The following PCDH7 variants were observed in gnomAD, a reference collection of about 807,000 sequenced individuals.
The protein encoded by PCDH7 is protocadherin 7.
A neutral mutation model predicts 58.9 loss-of-function variants in PCDH7; 17 were observed. That is an observed-to-expected ratio of 0.29 (90% CI 0.20 to 0.43). PCDH7 has a LOEUF of 0.43. Among genes scored for constraint, PCDH7 ranks in the 20% least tolerant of loss-of-function variants. PCDH7 has a pLI of 1.00. For synonymous variants in PCDH7, 664 were observed against 616.4 expected, an observed-to-expected ratio of 1.08 and a Z score of -1.14; for missense variants, 1,274 against 1,441.0, an observed-to-expected ratio of 0.88 and a Z score of 1.88.
exon 2 of PCDH7, chr4:30,731,815 GT>G (rs1715543131): frequency 6.6e-6 from 1 of 152,062 alleles, no homozygotes; most frequent in Admixed American, 6.6e-5. Context: ...ACCTCTTTAT[GT>G]TTGTATGTTT....
At chr4:30,851,489 C>G (rs1432960346) in intron 1 of PCDH7, among the ~76,000 whole-genome samples, 1 of 151,872 alleles carries the variant, frequency 6.6e-6, no homozygotes, top group Non-Finnish European at 1.5e-5. Context: ...GGTTTTCTGA[C>G]TTAGTGTCAA....
chr4:31,080,937 C>T (rs950331769), intron 3 of PCDH7, among the ~76,000 whole-genome samples: 1 of 152,166 alleles, frequency 6.6e-6, no homozygotes, highest in Non-Finnish European at 1.5e-5. Flanking sequence ...TTTCCCCTTT[C>T]GCTTGGCTTT....
At chr4:30,847,818 C>G (rs1440049482) in intron 1 of PCDH7, among the ~76,000 whole-genome samples, 2 of 152,094 alleles carry the variant, frequency 1.3e-5, no homozygotes, top group Non-Finnish European at 1.5e-5. Context: ...GCTCTTTCCT[C>G]ACTAGCACTC....
intron 1 of PCDH7, among the ~76,000 whole-genome samples, chr4:30,880,413 G>A (rs1485085456): frequency 1.3e-5 from 2 of 152,046 alleles, no homozygotes; most frequent in Non-Finnish European, 2.9e-5. Flanking sequence ...GCAGTATGTA[G>A]AATATGTGTA....
At chr4:30,757,542 G>C (rs1719465296) in intron 1 of PCDH7, among the ~76,000 whole-genome samples, 1 of 152,120 alleles carries the variant, frequency 6.6e-6, no homozygotes, top group South Asian at 2.1e-4. Flanking sequence ...GTGTGCCTTT[G>C]TACATTCCTT....
At chr4:30,820,998 T>G (rs373140765) in intron 1 of PCDH7, among the ~76,000 whole-genome samples, 2 of 152,310 alleles carry the variant, frequency 1.3e-5, no homozygotes, top group South Asian at 2.1e-4. Context: ...ATATTGATAC[T>G]GGAACATTAT....
chr4:30,784,931 A>G (rs978024596), intron 1 of PCDH7, among the ~76,000 whole-genome samples: 1 of 152,050 alleles, frequency 6.6e-6, no homozygotes, highest in Non-Finnish European at 1.5e-5. Flanking sequence ...AAAATTACAT[A>G]TGTGATACTA....
In PCDH7 at chr4:31,048,287, G is replaced by A. The variant is rs538295765; in HGVS notation, c.*8-94186G>A. Among the ~76,000 whole-genome samples, 27 of 152,102 alleles carry A rather than the reference G, an allele frequency of 1.8e-4. 1 individual carries two copies. In the South Asian group the frequency reaches 2.9e-3, roughly 16 times the overall value. On this transcript the variant is annotated intron_variant, in intron 3 of 3. Transcript: ENST00000509759. ...CTGGATTTCTTTATGGCTCTACTCA[G>A]TCCTCAGACAAGAAGGTATACATCT...
At chr4:30,831,138 C>T (rs1197100349) in intron 1 of PCDH7, among the ~76,000 whole-genome samples, 1 of 152,140 alleles carries the variant, frequency 6.6e-6, no homozygotes, top group Non-Finnish European at 1.5e-5. Flanking sequence ...TGCAGCATCT[C>T]CATCTTGTTT....
At chr4:30,853,207 C>G (rs80216323) in intron 1 of PCDH7, among the ~76,000 whole-genome samples, 1 of 152,160 alleles carries the variant, frequency 6.6e-6, no homozygotes, top group East Asian at 1.9e-4. Flanking sequence ...CCTGATCCAT[C>G]CCTCTTAACT....
intron 1 of PCDH7, among the ~76,000 whole-genome samples, chr4:30,893,221 A>G (rs1284849845): frequency 1.3e-5 from 2 of 152,086 alleles, no homozygotes. Context: ...TAAGCAGACA[A>G]TATATTTCTT....
intron 3 of PCDH7, among the ~76,000 whole-genome samples, chr4:31,005,195 G>C (rs567343172): frequency 6.6e-6 from 1 of 152,174 alleles, no homozygotes; most frequent in African/African-American, 2.4e-5. Context: ...TGTTTTATCT[G>C]TTGTTGAGGT....
intron 1 of PCDH7, among the ~76,000 whole-genome samples, chr4:30,767,339 C>T (rs183268140): frequency 1.1e-4 from 17 of 152,256 alleles, no homozygotes; most frequent in African/African-American, 4.1e-4. Flanking sequence ...AACTCAAGAG[C>T]TAAATAAGAA....
chr4:30,790,608 ATAGAAGATCTGCT>A (rs1460992573), intron 1 of PCDH7, among the ~76,000 whole-genome samples: 2 of 152,232 alleles, frequency 1.3e-5, no homozygotes, highest in Non-Finnish European at 2.9e-5. Flanking sequence ...GAAATCTGAT[ATAGAAGATCTGCT>A]TTAAATATTG....
chr4:30,789,483 A>G (rs958485084), intron 1 of PCDH7, among the ~76,000 whole-genome samples: 1 of 152,184 alleles, frequency 6.6e-6, no homozygotes, highest in Non-Finnish European at 1.5e-5. Context: ...TTCACGATTA[A>G]TGTTTACTTG....
intron 3 of PCDH7, among the ~76,000 whole-genome samples, chr4:31,074,096 T>C (rs1758777664): frequency 6.6e-6 from 1 of 151,996 alleles, no homozygotes; most frequent in Non-Finnish European, 1.5e-5. Context: ...CCTCGCCCAG[T>C]GTCACCACAC....
chr4:31,134,260 G>A (rs1719326990), intron 3 of PCDH7, among the ~76,000 whole-genome samples: 3 of 152,070 alleles, frequency 2.0e-5, no homozygotes, highest in Non-Finnish European at 2.9e-5. Flanking sequence ...AGGAGATCGA[G>A]ACCATCCTGG....
intron 3 of PCDH7, among the ~76,000 whole-genome samples, chr4:30,967,370 A>G (rs1368216928): frequency 1.3e-5 from 2 of 152,142 alleles, no homozygotes; most frequent in African/African-American, 2.4e-5. Flanking sequence ...AATTTTCTAC[A>G]TATTTAGAAT....
chr4:30,823,276 G>A (rs1198158958), intron 1 of PCDH7, among the ~76,000 whole-genome samples: 1 of 152,050 alleles, frequency 6.6e-6, no homozygotes, highest in African/African-American at 2.4e-5. Flanking sequence ...CTTTCACTCC[G>A]ATGCCTATGT....
Sources: gnomAD v4.1 joint callset for allele counts (sites outside exome capture counted in the v4.1 genomes callset) on GRCh38, gnomAD v4.1.1 for gene constraint, MANE v1.5 for transcripts, NCBI Gene and HGNC (gene_info 2026-07-23, HGNC 2026-07-21) for gene names.